The following LYPLA1 variants were observed in gnomAD, a reference collection of about 807,000 sequenced individuals.
LYPLA1 encodes the protein acyl-protein thioesterase 1.
LYPLA1 carries 17 observed loss-of-function variants against 34.0 expected under a neutral mutation model. The observed-to-expected ratio is 0.50, with a 90% CI of 0.34 to 0.75. The LOEUF (loss-of-function observed/expected upper bound fraction) is 0.75, where lower values mean the gene tolerates loss of function less well. Ranked by LOEUF, LYPLA1 falls within the 30% of genes least tolerant of loss-of-function variation. The probability of loss-of-function intolerance (pLI) is 0.01; values close to 1 mark genes in which losing one functional copy is unlikely to be tolerated. For synonymous variants in LYPLA1, 98 were observed against 100.8 expected (o/e 0.97, Z 0.17); for missense variants, 203 against 288.8 (o/e 0.70, Z 2.15).
chr8:54,071,363 G>A (rs1300228822), intron 2 of LYPLA1, among the ~76,000 whole-genome samples: 1 of 152,152 alleles, frequency 6.6e-6, no homozygotes, highest in Admixed American at 6.5e-5. Context: ...TGTTGGTTAT[G>A]TACAAGTATC....
intron 8 of LYPLA1, 95 bp from the exon 9 acceptor site, chr8:54,048,213 T>C: frequency 1.4e-6 from 1 of 735,196 alleles, no homozygotes; most frequent in Non-Finnish European, 2.4e-6. Context: ...ATGGTATGCA[T>C]AAAGGCGAAA....
chr8:54,054,978 C>G, intron 6 of LYPLA1, 82 bp downstream of exon 6: 3 of 807,976 alleles, frequency 3.7e-6, no homozygotes, highest in Non-Finnish European at 6.2e-6. Flanking sequence ...TCAAAAAAGA[C>G]TACTCTATAG....
chr8:54,062,364 CTAT>C (rs1246627023), intron 4 of LYPLA1, 40 bp from the exon 5 acceptor site: 1 of 1,333,724 alleles, frequency 7.5e-7, no homozygotes, highest in African/African-American at 1.5e-5. Context: ...TAAGAAAAAT[CTAT>C]TATTGTAGTA....
At chr8:54,081,435 GA>G (rs113250610) in intron 2 of LYPLA1, among the ~76,000 whole-genome samples, 4 of 147,000 alleles carry the variant, frequency 2.7e-5, no homozygotes, top group African/African-American at 2.5e-5. Context: ...ACATGTTGAA[GA>G]AAAAAAAAAC....
intron 2 of LYPLA1, among the ~76,000 whole-genome samples, chr8:54,071,797 T>C (rs1586124171): frequency 6.6e-6 from 1 of 152,282 alleles, no homozygotes; most frequent in East Asian, 1.9e-4. Context: ...TACTGTTAAA[T>C]GGCCATACTG....
In LYPLA1 at chr8:54,087,969, A is replaced by G. The variant is rs1808932703; in HGVS notation, c.101+12939T>C. Among the ~76,000 whole-genome samples the G allele has an allele frequency of 2.0e-5, 3 of 152,314 alleles. No homozygotes were observed. The South Asian group carries it at 6.2e-4, about 32-fold the overall frequency. On this transcript the variant is annotated intron_variant, in intron 2 of 8. Transcript: ENST00000316963. ...TTTCCATTGGCTGGAACGGGACCTC[A>G]CATTCTGTTATTTGTCCCGACTGGC...
intron 2 of LYPLA1, among the ~76,000 whole-genome samples, chr8:54,097,772 CTA>C (rs1407063673): frequency 1.3e-5 from 2 of 152,156 alleles, no homozygotes. Context: ...CCTATATATA[CTA>C]TGTTTTTTCC....
intron 8 of LYPLA1, 122 bp from the exon 9 acceptor site, chr8:54,048,240 A>G: frequency 1.6e-6 from 1 of 631,476 alleles, no homozygotes; most frequent in Non-Finnish European, 2.8e-6. Flanking sequence ...TTTTACTACA[A>G]TTAAATAAGA....
intron 2 of LYPLA1, among the ~76,000 whole-genome samples, chr8:54,098,605 C>T (rs1052741538): frequency 2.0e-5 from 3 of 151,776 alleles, no homozygotes; most frequent in East Asian, 2.0e-4. Context: ...CACTTGAACC[C>T]GAGTGGCAGA....
intron 2 of LYPLA1, among the ~76,000 whole-genome samples, chr8:54,070,107 T>TA (rs1208433403): frequency 6.6e-6 from 1 of 152,246 alleles, no homozygotes; most frequent in Non-Finnish European, 1.5e-5. Context: ...AATATGAAGT[T>TA]ACCATATCCA....
intron 5 of LYPLA1, among the ~76,000 whole-genome samples, chr8:54,055,432 G>A (rs1253417418): frequency 1.3e-5 from 2 of 151,988 alleles, no homozygotes; most frequent in African/African-American, 4.8e-5. Context: ...ATAAAACACT[G>A]ATGAAAGAGG....
intron 2 of LYPLA1, among the ~76,000 whole-genome samples, chr8:54,074,948 T>C (rs574596318): frequency 8.5e-5 from 13 of 152,332 alleles, no homozygotes; most frequent in African/African-American, 2.9e-4. Flanking sequence ...ATTAAAACAA[T>C]TAGGTAATGC....
chr8:54,049,766 T>TTTTTAAA (rs1371411901), intron 8 of LYPLA1, among the ~76,000 whole-genome samples: 1 of 152,204 alleles, frequency 6.6e-6, no homozygotes, highest in African/African-American at 2.4e-5. Flanking sequence ...CTCTTCTTCC[T>TTTTTAAA]GTTTACCAAA....
chr8:54,054,891 A>G, intron 6 of LYPLA1, 169 bp downstream of exon 6: 2 of 578,312 alleles, frequency 3.5e-6, no homozygotes, highest in Non-Finnish European at 6.1e-6. Context: ...TTCTTTCAAG[A>G]AGAAATTAAT....
At chr8:54,052,565 TAA>T in intron 7 of LYPLA1, 88 bp downstream of exon 7, 1 of 785,748 alleles carries the variant, frequency 1.3e-6, no homozygotes, top group Non-Finnish European at 2.1e-6. Context: ...AGTTTATTAA[TAA>T]AAAAAAATAA....
intron 2 of LYPLA1, among the ~76,000 whole-genome samples, chr8:54,070,831 A>C (rs1586121729): frequency 6.6e-6 from 1 of 152,226 alleles, no homozygotes; most frequent in South Asian, 2.1e-4. Context: ...CCTTGAAAAC[A>C]ATGTTAAGTG....
At chr8:54,072,934 C>CAAAAAAAAAAA (rs59257354) in intron 2 of LYPLA1, among the ~76,000 whole-genome samples, 2 of 91,732 alleles carry the variant, frequency 2.2e-5, no homozygotes, top group African/African-American at 3.2e-5. Flanking sequence ...AAGACTGAAT[C>CAAAAAAAAAAA]AAAAAAAAAA....
chr8:54,068,233 A>G (rs943846721), intron 2 of LYPLA1, among the ~76,000 whole-genome samples: 2 of 152,184 alleles, frequency 1.3e-5, no homozygotes, highest in African/African-American at 4.8e-5. Flanking sequence ...ATCTATATAA[A>G]TGGAAGGATA....
intron 2 of LYPLA1, among the ~76,000 whole-genome samples, chr8:54,091,366 T>A (rs1393040073): frequency 6.6e-6 from 1 of 151,894 alleles, no homozygotes; most frequent in East Asian, 1.9e-4. Flanking sequence ...CGGGCACCTG[T>A]AATCCCAGCT....
Sources: gnomAD v4.1 joint callset for allele counts (sites outside exome capture counted in the v4.1 genomes callset) on GRCh38, gnomAD v4.1.1 for gene constraint, MANE v1.5 for transcripts, NCBI Gene and HGNC (gene_info 2026-07-23, HGNC 2026-07-21) for gene names.